Variants in ADGRG6 observed in about 807,000 individuals in gnomAD.
The protein encoded by ADGRG6 is G-protein coupled receptor 126.
In ADGRG6, 84 loss-of-function variants were observed where a neutral mutation model predicts 142.4. The ratio of observed to expected loss-of-function variants is 0.59; its 90% CI spans 0.49 to 0.71. The LOEUF is 0.71. ADGRG6 is among the 30% of genes least tolerant of loss of function. ADGRG6 has a pLI of 0.00. For missense variants in ADGRG6, 1,367 were observed against 1,466.6 expected (o/e 0.93, Z 1.11); for synonymous variants, 521 against 520.5 (o/e 1.00, Z -0.01).
At chr6:142,317,971 TATATATTTATATTAC>T (rs1373153639) in intron 2 of ADGRG6, among the ~76,000 whole-genome samples, 9 of 64,798 alleles carry the variant, frequency 1.4e-4, no homozygotes, top group African/African-American at 5.0e-4. Flanking sequence ...TTATATATTA[TATATATTTATATTAC>T]ATATTTATAT....
At chr6:142,422,187 A>T (rs1776687847) in intron 22 of ADGRG6, among the ~76,000 whole-genome samples, 1 of 151,942 alleles carries the variant, frequency 6.6e-6, no homozygotes, top group African/African-American at 2.4e-5. Flanking sequence ...ATTATACTTT[A>T]AGTTTTAGGG....
chr6:142,432,995 G>A (rs1334106243), intron 22 of ADGRG6, among the ~76,000 whole-genome samples: 7 of 152,154 alleles, frequency 4.6e-5, no homozygotes, highest in Non-Finnish European at 7.4e-5. Flanking sequence ...GCCCTCTAAC[G>A]AATAATACCT....
intron 2 of ADGRG6, among the ~76,000 whole-genome samples, chr6:142,326,557 G>A (rs559175429): frequency 6.6e-6 from 1 of 151,266 alleles, no homozygotes; most frequent in South Asian, 2.1e-4. Flanking sequence ...GGTTCAAGAT[G>A]AGTGTCACAC....
chr6:142,420,053 C>T lies in ADGRG6; in HGVS notation c.3268C>T (p.Pro1090Ser). 1 of 1,612,836 alleles carries T rather than the reference C, an allele frequency of 6.2e-7. No individual in the cohort carries two copies. The highest frequency in any genetic ancestry group is 8.5e-7 in the Non-Finnish European group (1 of 1,179,012). The change falls in exon 22 of 25, where the codon CCC becomes TCC. Residue 1090 changes from proline to serine, a missense_variant. By Grantham distance (74) the Pro-to-Ser change is moderately conservative (BLOSUM62 -1). This residue lies in a region of ADGRG6 where 344 missense variants were observed against 348.7 expected (regional missense o/e 0.99). Coordinates refer to ENST00000367609, the MANE Select transcript of ADGRG6 (RefSeq NM_198569.3). ...TWGFAFFAWG[P>S]LNIPFMYLFS... Reference sequence around the variant, plus strand: ...GGGTTTTGCATTCTTTGCCTGGGGACCCTTAAATATCCCCTTCATGTACCT... The same window carrying T: ...GGGTTTTGCATTCTTTGCCTGGGGATCCTTAAATATCCCCTTCATGTACCT...
chr6:142,353,278 T>G (rs1178921579), intron 2 of ADGRG6, among the ~76,000 whole-genome samples: 1 of 152,210 alleles, frequency 6.6e-6, no homozygotes, highest in Non-Finnish European at 1.5e-5. Context: ...CTTTGCATTC[T>G]TTATCACCAA....
chr6:142,384,291 T>G (rs1352815071), intron 6 of ADGRG6, among the ~76,000 whole-genome samples: 1 of 152,156 alleles, frequency 6.6e-6, no homozygotes, highest in Non-Finnish European at 1.5e-5. Flanking sequence ...GGTCATATAT[T>G]TGTGACATTT....
At position 142,419,862 on chromosome 6, in the gene ADGRG6, C is replaced by A. The variant is rs1562382394; in HGVS notation, c.3077C>A (p.Ala1026Asp). 1.2e-6 allele frequency: 2 copies of A among 1,612,130 alleles called. No homozygotes were observed. Among genetic ancestry groups the A allele is most frequent in the Non-Finnish European group, 8.5e-7 (1 of 1,178,562 alleles). Residue 1026 changes from alanine to aspartate, a missense_variant, in exon 22 of 25, where the codon GCT becomes GAT. Around this residue, in one of 3 missense-constraint regions of ADGRG6, gnomAD observed 344 missense variants for 348.7 expected, o/e 0.99. Transcript: ENST00000367609. ...QDPVIFYVTC[A>D]GYFGVMFFLN... ...CCAGTCATATTTTATGTGACCTGTG[C>A]TGGGTATTTTGGAGTCATGTTTTTT...
intron 2 of ADGRG6, among the ~76,000 whole-genome samples, chr6:142,365,843 A>G (rs953419649): frequency 2.0e-5 from 3 of 152,236 alleles, no homozygotes; most frequent in Non-Finnish European, 4.4e-5. Flanking sequence ...TCACCATATC[A>G]TAGAAGAATA....
chr6:142,439,400 A>G (rs1777635617), intron 24 of ADGRG6, among the ~76,000 whole-genome samples: 1 of 152,214 alleles, frequency 6.6e-6, no homozygotes, highest in Admixed American at 6.5e-5. Flanking sequence ...AAGAAGATTA[A>G]TACTTGGCTT....
At position 142,392,974 on chromosome 6, in the gene ADGRG6, CT is replaced by C; in HGVS notation, c.1336del (p.Tyr446ThrfsTer12). ...TCAATTCAACCTTCCAAAATTGGAA[CT>C]ACACGGTTTATGTCGTTAATATCAG... is the stretch of plus-strand genomic sequence containing the variant. ...WLNSTFQNWNYTVYVVNISFH... is the reference protein window; with the variant it reads ...WLNSTFQNWNXTVYVVNISFH... On this transcript the variant is annotated frameshift_variant, in exon 8 of 25. Coordinates refer to ENST00000367609, the MANE Select transcript of ADGRG6 (RefSeq NM_198569.3). LOFTEE classifies it high-confidence loss of function. 6.3e-7 allele frequency: 1 copy of C among 1,595,352 alleles called. No individual in the cohort carries two copies. Among genetic ancestry groups the C allele is most frequent in the Non-Finnish European group, 8.6e-7 (1 of 1,163,602 alleles).
chr6:142,370,081 G>A (rs1781160850), intron 3 of ADGRG6, 89 bp from the exon 4 acceptor site: 1 of 1,123,382 alleles, frequency 8.9e-7, no homozygotes, highest in Admixed American at 2.6e-5. Flanking sequence ...TTAACTAGTA[G>A]AAAGCGATGG....
chr6:142,365,659 G>A (rs967598629), intron 2 of ADGRG6, among the ~76,000 whole-genome samples: 2 of 152,068 alleles, frequency 1.3e-5, no homozygotes, highest in South Asian at 2.1e-4. Context: ...GTCTGTCTTC[G>A]GTCTTGTACA....
At chr6:142,348,865 T>G (rs963142965) in intron 2 of ADGRG6, among the ~76,000 whole-genome samples, 10 of 152,212 alleles carry the variant, frequency 6.6e-5, no homozygotes, top group African/African-American at 2.4e-4. Flanking sequence ...TTTTTTGAAT[T>G]GATTGGGATT....
At chr6:142,303,400 A>G (rs977753100) in intron 1 of ADGRG6, among the ~76,000 whole-genome samples, 3 of 152,180 alleles carry the variant, frequency 2.0e-5, no homozygotes, top group African/African-American at 7.2e-5. Context: ...CACACATTTT[A>G]AAATAGGAGA....
chr6:142,374,833 T>C (rs1373547976), intron 4 of ADGRG6, among the ~76,000 whole-genome samples: 1 of 152,276 alleles, frequency 6.6e-6, no homozygotes, highest in Non-Finnish European at 1.5e-5. Flanking sequence ...CAACATGTTT[T>C]AATATAGGTA....
intron 2 of ADGRG6, among the ~76,000 whole-genome samples, chr6:142,342,877 T>TA: frequency 6.6e-6 from 1 of 151,952 alleles, no homozygotes; most frequent in South Asian, 2.1e-4. Flanking sequence ...TTTTAGTAAG[T>TA]AAAATGCTAA....
At chr6:142,346,532 C>T (rs1340045735) in intron 2 of ADGRG6, among the ~76,000 whole-genome samples, 1 of 150,540 alleles carries the variant, frequency 6.6e-6, no homozygotes, top group Admixed American at 6.6e-5. Context: ...TGGGTATATA[C>T]CCAAAGGATT....
intron 15 of ADGRG6, among the ~76,000 whole-genome samples, chr6:142,407,428 T>TATTC (rs1170957054): frequency 6.6e-6 from 1 of 152,188 alleles, no homozygotes; most frequent in Non-Finnish European, 1.5e-5. Context: ...ATCCTGTGAT[T>TATTC]ATTCCAAAAC....
intron 2 of ADGRG6, among the ~76,000 whole-genome samples, chr6:142,356,062 C>T (rs1240639063): frequency 6.6e-6 from 1 of 152,148 alleles, no homozygotes; most frequent in African/African-American, 2.4e-5. Flanking sequence ...ATTGCCTCAC[C>T]CCCAGCCCAG....
Sources: gnomAD v4.1 joint callset for allele counts (sites outside exome capture counted in the v4.1 genomes callset) on GRCh38, gnomAD v4.1.1 for gene constraint, gnomAD v4.1.1 regional missense constraint, MANE v1.5 for transcripts, NCBI Gene and HGNC (gene_info 2026-07-23, HGNC 2026-07-21) for gene names.